Variants in TMEM132D observed in about 807,000 individuals in gnomAD.
The protein encoded by TMEM132D is mature OL transmembrane protein.
TMEM132D carries 21 observed loss-of-function variants against 62.3 expected under a neutral mutation model. The ratio of observed to expected loss-of-function variants is 0.34; its 90% CI spans 0.24 to 0.49. TMEM132D has a LOEUF of 0.49. Ranked by LOEUF, TMEM132D falls within the 20% of genes least tolerant of loss-of-function variation. The probability of loss-of-function intolerance (pLI) is 0.99; values close to 1 mark genes in which losing one functional copy is unlikely to be tolerated. For synonymous variants in TMEM132D, 621 were observed against 575.6 expected (o/e 1.08, Z -1.13); for missense variants, 1,346 against 1,402.8 (o/e 0.96, Z 0.65).
At chr12:129,843,960 G>A (rs1373601374) in intron 1 of TMEM132D, among the ~76,000 whole-genome samples, 1 of 152,082 alleles carries the variant, frequency 6.6e-6, no homozygotes, top group Non-Finnish European at 1.5e-5. Flanking sequence ...AATTAGTTGG[G>A]TGTGGTGGTG....
chr12:129,326,393 A>C (rs1317851954), intron 4 of TMEM132D, among the ~76,000 whole-genome samples: 1 of 152,176 alleles, frequency 6.6e-6, no homozygotes, highest in Non-Finnish European at 1.5e-5. Context: ...AGCCTGCAAA[A>C]GCTGTCATTT....
At chr12:129,696,043 G>T (rs576225801) in intron 2 of TMEM132D, among the ~76,000 whole-genome samples, 2 of 152,262 alleles carry the variant, frequency 1.3e-5, no homozygotes, top group East Asian at 1.9e-4. Context: ...GGCCAACACA[G>T]GTTCAAAGGT....
At chr12:129,657,421 G>C (rs919679336) in intron 2 of TMEM132D, among the ~76,000 whole-genome samples, 1 of 151,522 alleles carries the variant, frequency 6.6e-6, no homozygotes, top group Non-Finnish European at 1.5e-5. Context: ...CATTTCCACC[G>C]TCAACTGGTT....
At chr12:129,217,960 G>T (rs1004316867) in intron 4 of TMEM132D, among the ~76,000 whole-genome samples, 1 of 152,078 alleles carries the variant, frequency 6.6e-6, no homozygotes, top group Non-Finnish European at 1.5e-5. Flanking sequence ...GCACAATAAC[G>T]CTCTCCCCTG....
intron 8 of TMEM132D, among the ~76,000 whole-genome samples, chr12:129,077,253 C>T (rs550377055): frequency 2.0e-4 from 30 of 152,240 alleles, no homozygotes; most frequent in East Asian, 1.4e-3. Flanking sequence ...CTCACCCTGC[C>T]GAGGAAGAGT....
At chr12:129,603,078 AAG>A (rs1479207402) in intron 2 of TMEM132D, among the ~76,000 whole-genome samples, 2 of 152,166 alleles carry the variant, frequency 1.3e-5, no homozygotes, top group African/African-American at 4.8e-5. Context: ...ACAATTCAAG[AAG>A]AGATTTGGGT....
intron 3 of TMEM132D, among the ~76,000 whole-genome samples, chr12:129,509,270 T>C (rs1035890205): frequency 2.0e-5 from 3 of 152,202 alleles, no homozygotes; most frequent in Non-Finnish European, 4.4e-5. Flanking sequence ...TTCAAGTTAA[T>C]TTTATTAAAT....
intron 4 of TMEM132D, among the ~76,000 whole-genome samples, chr12:129,278,620 C>T (rs1297651458): frequency 6.6e-6 from 1 of 152,082 alleles, no homozygotes; most frequent in Non-Finnish European, 1.5e-5. Flanking sequence ...AAATGACTGC[C>T]GTTCAAATGA....
chr12:129,451,171 A>G (rs1289531647), intron 3 of TMEM132D, among the ~76,000 whole-genome samples: 1 of 152,172 alleles, frequency 6.6e-6, no homozygotes, highest in Admixed American at 6.5e-5. Context: ...GAAATGCTCA[A>G]TTCATGGGCT....
chr12:129,107,933 T>A (rs1486101415), intron 5 of TMEM132D, among the ~76,000 whole-genome samples: 1 of 151,722 alleles, frequency 6.6e-6, no homozygotes, highest in Non-Finnish European at 1.5e-5. Flanking sequence ...ACTCAAGTGA[T>A]CCTCCTGCCT....
At chr12:129,232,437 T>C (rs1370776012) in intron 4 of TMEM132D, among the ~76,000 whole-genome samples, 1 of 152,224 alleles carries the variant, frequency 6.6e-6, no homozygotes, top group African/African-American at 2.4e-5. Context: ...AAAAACACTC[T>C]GCACAGAGCT....
chr12:129,333,517 G>A (rs540112404), intron 4 of TMEM132D, among the ~76,000 whole-genome samples: 2 of 152,304 alleles, frequency 1.3e-5, no homozygotes, highest in East Asian at 3.9e-4. Flanking sequence ...TTATTCCTGT[G>A]TTTTCTTCAC....
chr12:129,452,412 G>T (rs1873322498), intron 3 of TMEM132D, among the ~76,000 whole-genome samples: 1 of 152,222 alleles, frequency 6.6e-6, no homozygotes, highest in South Asian at 2.1e-4. Flanking sequence ...CTTACAAAGT[G>T]ATTTGGCTCA....
At chr12:129,735,263 C>T (rs1428332551) in intron 1 of TMEM132D, among the ~76,000 whole-genome samples, 1 of 152,182 alleles carries the variant, frequency 6.6e-6, no homozygotes, top group African/African-American at 2.4e-5. Context: ...AGGGCAATAA[C>T]TTCACCTGTC....
In TMEM132D at chr12:129,733,389, G is replaced by A. The variant is rs56335821; in HGVS notation, c.80-32691C>T. ...AGAGAATAGTTTTCAGAGCCTGATCGCCCCAGATAAGATCCTGATCTATGG... is the reference window on the plus strand; with the variant it reads ...AGAGAATAGTTTTCAGAGCCTGATCACCCCAGATAAGATCCTGATCTATGG... On this transcript the variant is annotated intron_variant, in intron 1 of 8. Transcript: ENST00000422113. Among the ~76,000 whole-genome samples, 233 of 152,068 alleles carry A rather than the reference G, an allele frequency of 1.5e-3. 1 individual carries two copies. The highest frequency in any genetic ancestry group is 7.9e-3 in the South Asian group (38 of 4,822).
intron 2 of TMEM132D, among the ~76,000 whole-genome samples, chr12:129,600,820 C>T (rs570082057): frequency 2.0e-5 from 3 of 152,206 alleles, no homozygotes; most frequent in Admixed American, 6.5e-5. Flanking sequence ...GTGCTGTCAT[C>T]CAGGCTTTGT....
intron 3 of TMEM132D, among the ~76,000 whole-genome samples, chr12:129,519,480 A>T (rs1393540267): frequency 6.6e-6 from 1 of 152,222 alleles, no homozygotes; most frequent in Non-Finnish European, 1.5e-5. Context: ...GCCGCATTTC[A>T]ATATAGCTGC....
intron 2 of TMEM132D, among the ~76,000 whole-genome samples, chr12:129,569,511 A>T (rs145596638): frequency 6.6e-6 from 1 of 152,198 alleles, no homozygotes; most frequent in Non-Finnish European, 1.5e-5. Context: ...TATGAAGTAC[A>T]TGGTATAGAG....
At chr12:129,142,313 T>A (rs1008542476) in intron 5 of TMEM132D, among the ~76,000 whole-genome samples, 4 of 152,146 alleles carry the variant, frequency 2.6e-5, no homozygotes, top group African/African-American at 9.7e-5. Context: ...CCTGATTCTC[T>A]GGATAAGATG....
Sources: gnomAD v4.1 joint callset for allele counts (sites outside exome capture counted in the v4.1 genomes callset) on GRCh38, gnomAD v4.1.1 for gene constraint, MANE v1.5 for transcripts, NCBI Gene and HGNC (gene_info 2026-07-23, HGNC 2026-07-21) for gene names.